Variants in PRKCB observed in about 807,000 individuals in gnomAD.
PRKCB encodes protein kinase C beta.
Under a neutral mutation model 81.5 loss-of-function variants are expected in PRKCB, and 13 were observed. The observed-to-expected ratio is 0.16, with a 90% CI of 0.10 to 0.25. The LOEUF is 0.25. Among genes scored for constraint, PRKCB ranks in the 10% least tolerant of loss-of-function variants. PRKCB has a pLI of 1.00. For missense variants in PRKCB, 509 were observed against 875.7 expected (o/e 0.58, Z 5.29); for synonymous variants, 335 against 321.4 (o/e 1.04, Z -0.45).
chr16:23,849,514 G>A (rs1027065122), intron 2 of PRKCB, among the ~76,000 whole-genome samples: 6 of 152,146 alleles, frequency 3.9e-5, no homozygotes, highest in Admixed American at 3.9e-4. Flanking sequence ...GCATGTGTAT[G>A]TGTGGATTTT....
At chr16:24,209,376 A>C (rs1472138429) in intron 16 of PRKCB, among the ~76,000 whole-genome samples, 1 of 152,060 alleles carries the variant, frequency 6.6e-6, no homozygotes, top group East Asian at 1.9e-4. Context: ...CCCCGATGCC[A>C]CGGCCACCAA....
At chr16:23,979,647 G>A (rs1964669318) in intron 2 of PRKCB, among the ~76,000 whole-genome samples, 1 of 152,114 alleles carries the variant, frequency 6.6e-6, no homozygotes, top group Non-Finnish European at 1.5e-5. Context: ...TGGCGGGGGT[G>A]AGGAAAGCGG....
Position 23,915,689 on chromosome 16 carries a change from C to CAAAAAAAAAAAAAA in PRKCB, c.206-72809_206-72796dup, listed in dbSNP as rs71154259. 2.8e-4 allele frequency among the ~76,000 whole-genome samples: 15 copies of CAAAAAAAAAAAAAA among 54,542 alleles called. 1 individual carries two copies. The highest frequency in any genetic ancestry group is 3.8e-4 in the African/African-American group (5 of 13,068). 35.8% of individuals were successfully genotyped at this position (54,542 alleles called of 152,430 possible). A position where few individuals can be genotyped will look rare whatever the true frequency, so the allele number is the denominator to read the frequency against. On this transcript the variant is annotated intron_variant, in intron 2 of 16. Coordinates refer to ENST00000643927, the MANE Select transcript of PRKCB (RefSeq NM_002738.7). Reference sequence around the variant, plus strand: ...CCTGGGCAAGAGTGAGACTCTCTATCAAAAAAAAAAAAAAAAAAAAAAAGC... The same window carrying CAAAAAAAAAAAAAA: ...CCTGGGCAAGAGTGAGACTCTCTATCAAAAAAAAAAAAAAAAAAAAAAAAAAAAAAAAAAAAAGC...
chr16:24,153,435 C>T (rs760344067), intron 9 of PRKCB, among the ~76,000 whole-genome samples: 6 of 152,198 alleles, frequency 3.9e-5, no homozygotes, highest in Non-Finnish European at 7.3e-5. Flanking sequence ...GTATTGTTGC[C>T]TGCAAAATAT....
rs548860527 is a variant in PRKCB, at chr16:24,155,364, C to T, written c.1239+507C>T. Among the ~76,000 whole-genome samples the T allele has an allele frequency of 2.0e-5, 3 of 152,290 alleles. No homozygotes were observed. The South Asian group carries it at 6.2e-4, about 32-fold the overall frequency. ...CTAGTGAGTTCAGAGCCATGGCTGC[C>T]AAGGTGAGAAGGGAGCACTTGTCCA... On this transcript the variant is annotated intron_variant, in intron 10 of 16. Coordinates refer to ENST00000643927, the MANE Select transcript of PRKCB (RefSeq NM_002738.7).
intron 2 of PRKCB, among the ~76,000 whole-genome samples, chr16:23,939,673 C>A (rs1340762100): frequency 6.6e-6 from 1 of 152,114 alleles, no homozygotes; most frequent in Non-Finnish European, 1.5e-5. Context: ...AACCTCAGCC[C>A]AAGTCTTGCA....
At chr16:24,043,851 C>T (rs1169858793) in intron 5 of PRKCB, among the ~76,000 whole-genome samples, 2 of 152,054 alleles carry the variant, frequency 1.3e-5, no homozygotes, top group Non-Finnish European at 2.9e-5. Context: ...GGACAGTGGT[C>T]CAGCAATGTC....
At chr16:24,017,102 A>G (rs1965289652) in intron 3 of PRKCB, among the ~76,000 whole-genome samples, 1 of 152,226 alleles carries the variant, frequency 6.6e-6, no homozygotes, top group Non-Finnish European at 1.5e-5. Context: ...GGGAGGGGCC[A>G]GTGGGTATAA....
chr16:23,874,019 C>T (rs866052420), intron 2 of PRKCB, among the ~76,000 whole-genome samples: 4 of 151,994 alleles, frequency 2.6e-5, no homozygotes, highest in African/African-American at 9.7e-5. Flanking sequence ...CTCACAGAAC[C>T]CTTGAATTTC....
Position 24,219,146 on chromosome 16 carries a change from G to A in PRKCB, c.*4330G>A, listed in dbSNP as rs1372053978. The A allele has an allele frequency of 3.0e-6, 3 of 985,222 alleles. No individual in the cohort carries two copies. The highest frequency in any genetic ancestry group is 3.6e-6 in the Non-Finnish European group (3 of 829,952). The allele number at this position is 985,222 out of a possible 1,614,324, so 61.0% of individuals were successfully genotyped here. On this transcript the variant is annotated 3_prime_UTR_variant, in exon 17 of 17. Coordinates refer to ENST00000643927, the MANE Select transcript of PRKCB (RefSeq NM_002738.7). ...TGTTCCCTGGTGAGACTTGCCCCAA[G>A]CAATTGCTAGTAAATGGGGGTTAAT... is the stretch of plus-strand genomic sequence containing the variant.
At chr16:23,884,359 A>G (rs1963167316) in intron 2 of PRKCB, among the ~76,000 whole-genome samples, 2 of 152,314 alleles carry the variant, frequency 1.3e-5, no homozygotes, top group Middle Eastern at 3.4e-3. Flanking sequence ...TTTGTCATAT[A>G]TTTATATTTT....
At chr16:23,990,269 T>C (rs1420982691) in intron 3 of PRKCB, among the ~76,000 whole-genome samples, 1 of 151,828 alleles carries the variant, frequency 6.6e-6, no homozygotes, top group Non-Finnish European at 1.5e-5. Context: ...CCATCCTGGC[T>C]AACATGGTGA....
chr16:24,213,006 A>ATATTTATTTATT (rs113357248), intron 16 of PRKCB, among the ~76,000 whole-genome samples: 80 of 143,812 alleles, frequency 5.6e-4, no homozygotes, highest in East Asian at 2.5e-3. Context: ...CCGTACTTGT[A>ATATTTATTTATT]TATTTATTTA....
At chr16:23,889,552 G>A (rs994795193) in intron 2 of PRKCB, among the ~76,000 whole-genome samples, 5 of 152,250 alleles carry the variant, frequency 3.3e-5, no homozygotes, top group African/African-American at 9.6e-5. Flanking sequence ...TGGTAGGATT[G>A]CACTGCTTGC....
chr16:23,908,555 G>T (rs1164253507), intron 2 of PRKCB, among the ~76,000 whole-genome samples: 1 of 151,928 alleles, frequency 6.6e-6, no homozygotes, highest in Non-Finnish European at 1.5e-5. Flanking sequence ...TTTTGAGACG[G>T]ATTCTCGCTC....
intron 16 of PRKCB, among the ~76,000 whole-genome samples, chr16:24,210,434 G>T (rs1968121720): frequency 6.6e-6 from 1 of 151,142 alleles, no homozygotes; most frequent in African/African-American, 2.4e-5. Context: ...CTGAGGTCTT[G>T]CTCAAAGGCC....
chr16:23,919,945 A>AATG (rs1481161889), intron 2 of PRKCB, among the ~76,000 whole-genome samples: 1 of 152,228 alleles, frequency 6.6e-6, no homozygotes, highest in African/African-American at 2.4e-5. Flanking sequence ...TATTGTGAAT[A>AATG]ATGCTGCTAT....
chr16:24,059,682 T>G (rs557127659), intron 5 of PRKCB, among the ~76,000 whole-genome samples: 59 of 152,020 alleles, frequency 3.9e-4, no homozygotes, highest in African/African-American at 7.0e-4. Context: ...ATAATTATTA[T>G]TAGTAGTAAT....
intron 9 of PRKCB, among the ~76,000 whole-genome samples, chr16:24,142,609 G>A (rs776881862): frequency 1.1e-4 from 17 of 152,126 alleles, no homozygotes; most frequent in Non-Finnish European, 1.0e-4. Context: ...CCCAAGCATC[G>A]GCTTCTAAAA....
Sources: allele counts gnomAD v4.1 joint callset (sites outside exome capture counted in the v4.1 genomes callset), GRCh38; gene constraint gnomAD v4.1.1; transcripts MANE v1.5; gene names NCBI Gene and HGNC (gene_info 2026-07-23, HGNC 2026-07-21).